ZNF549: variants seen among roughly 807,000 people sequenced by gnomAD.
The protein encoded by ZNF549 is zinc finger protein 549.
ZNF549 carries 11 observed loss-of-function variants against 11.1 expected under a neutral mutation model. The ratio of observed to expected loss-of-function variants is 0.99; its 90% CI spans 0.62 to 1.64. The LOEUF is 1.64. Ranked by LOEUF, ZNF549 falls within the 40% of genes most tolerant of loss-of-function variation. ZNF549 has a pLI of 0.00. For synonymous variants in ZNF549, 266 were observed against 269.1 expected (o/e 0.99, Z 0.11); for missense variants, 748 against 765.1 (o/e 0.98, Z 0.26).
chr19:57,532,264 C>T (rs756788078), intron 2 of ZNF549, among the ~76,000 whole-genome samples: 9 of 152,034 alleles, frequency 5.9e-5, no homozygotes, highest in African/African-American at 2.2e-4. Flanking sequence ...AAATGCCCTT[C>T]GTGGGGTCTC....
chr19:57,537,875 G>T lies in ZNF549; in HGVS notation c.871G>T (p.Val291Phe), dbSNP rs61735033. ...ATCATTCCTCCATAAACAAACACTC[G>T]TTGGGCACCAGCAGAGAATTCACAC... Reference protein sequence around the residue: ...GKSFLHKQTLVGHQQRIHTRE... With the variant: ...GKSFLHKQTLFGHQQRIHTRE... Residue 291 changes from valine (V) to phenylalanine (F), a missense_variant, in exon 4 of 4, where the codon GTT (valine) becomes TTT (phenylalanine). Transcript: ENST00000376233. 1 of 1,613,770 alleles carries T rather than the reference G, an allele frequency of 6.2e-7. No individual in the cohort carries two copies. Among genetic ancestry groups the T allele is most frequent in the Non-Finnish European group, 8.5e-7 (1 of 1,179,762 alleles).
rs866409045 is a variant in ZNF549 at position 57,537,140 on chromosome 19, G to T, written c.200-64G>T. On this transcript the variant is annotated intron_variant, in intron 3 of 3. Coordinates refer to ENST00000376233, the MANE Select transcript of ZNF549 (RefSeq NM_001199295.2). ...CCCTCCCTGTGTTCCACAGGTATTT[G>T]TAATGGAGCTGTTCCCTTCTACCAA... is the stretch of plus-strand genomic sequence containing the variant. The T allele has an allele frequency of 7.5e-5, 115 of 1,531,756 alleles. No homozygotes were observed. In the Middle Eastern group the frequency reaches 1.3e-3, roughly 17 times the overall value. 94.9% of individuals were successfully genotyped at this position (1,531,756 alleles called of 1,614,324 possible). A position where few individuals can be genotyped will look rare whatever the true frequency, so the allele number is the denominator to read the frequency against.
intron 1 of ZNF549, among the ~76,000 whole-genome samples, chr19:57,530,543 A>C (rs545543251): frequency 1.3e-5 from 2 of 152,320 alleles, no homozygotes; most frequent in Admixed American, 1.3e-4. Flanking sequence ...GGAGAAAATT[A>C]CAGTGGTCTG....
At chr19:57,529,078 C>T (rs1279334013) in intron 1 of ZNF549, among the ~76,000 whole-genome samples, 1 of 152,190 alleles carries the variant, frequency 6.6e-6, no homozygotes, top group Non-Finnish European at 1.5e-5. Context: ...AGGCAAACTG[C>T]ATTTTCTAAG....
rs1455342604 is a variant in ZNF549, at chr19:57,538,979, G to C, written c.*52G>C. Reference sequence around the variant, plus strand: ...ATTCACTGTAGGACACCAGAGAGCTGATTTTTCAAGGGATCCAACAGACAG... The same window carrying C: ...ATTCACTGTAGGACACCAGAGAGCTCATTTTTCAAGGGATCCAACAGACAG... On this transcript the variant is annotated 3_prime_UTR_variant, in exon 4 of 4. Coordinates refer to ENST00000376233, the MANE Select transcript of ZNF549 (RefSeq NM_001199295.2). 2 of 1,525,684 alleles carry C rather than the reference G, an allele frequency of 1.3e-6. No homozygotes were observed. The highest frequency in any genetic ancestry group is 8.7e-7 in the Non-Finnish European group (1 of 1,142,894). The allele number at this position is 1,525,684 out of a possible 1,614,324, so 94.5% of individuals were successfully genotyped here.
Position 57,527,497 on chromosome 19 carries a change from G to C in ZNF549, c.-77G>C. Reference sequence around the variant, plus strand: ...CTGGTCTCGGTCTGAGCGTCGCCCAGCGATTTGCCACCGCACGCACGCCGG... The same window carrying C: ...CTGGTCTCGGTCTGAGCGTCGCCCACCGATTTGCCACCGCACGCACGCCGG... On this transcript the variant is annotated 5_prime_UTR_variant, in exon 1 of 4. Coordinates refer to ENST00000376233, the MANE Select transcript of ZNF549 (RefSeq NM_001199295.2). The C allele has an allele frequency of 6.3e-7, 1 of 1,596,722 alleles. No individual in the cohort carries two copies. Among genetic ancestry groups the C allele is most frequent in the South Asian group, 1.1e-5 (1 of 89,654 alleles).
chr19:57,529,045 C>A (rs2089892057), intron 1 of ZNF549, among the ~76,000 whole-genome samples: 1 of 152,156 alleles, frequency 6.6e-6, no homozygotes, highest in African/African-American at 2.4e-5. Context: ...TGTACCTTTT[C>A]ATTTTCTTTC....
In ZNF549 at chr19:57,527,585, A is replaced by G. The variant is rs763028909; in HGVS notation, c.12A>G (p.Ala4=). The G allele has an allele frequency of 6.2e-7, 1 of 1,613,814 alleles. No individual in the cohort carries two copies. Among genetic ancestry groups the G allele is most frequent in the South Asian group, 1.1e-5 (1 of 91,082 alleles). ...CCGCCTAAAGTCCCATGGCCGAGGC[A>G]GCGCTAGTGATTACGCCGCAGGTGA... is the stretch of plus-strand genomic sequence containing the variant. MAE[A]ALVITPQIPM... Residue 4 remains alanine (A), a synonymous_variant, in exon 1 of 4, where the codon GCA becomes GCG. Coordinates refer to ENST00000376233, the MANE Select transcript of ZNF549 (RefSeq NM_001199295.2).
chr19:57,529,413 G>A (rs76623573), intron 1 of ZNF549, among the ~76,000 whole-genome samples: 4,241 of 152,176 alleles, frequency 0.028, 195 homozygotes, highest in African/African-American at 0.095. Context: ...ATATAGAACA[G>A]TTATACTTTA....
intron 1 of ZNF549, among the ~76,000 whole-genome samples, chr19:57,528,007 A>G (rs111827228): frequency 4.9e-4 from 75 of 152,260 alleles, no homozygotes; most frequent in African/African-American, 1.6e-3. Context: ...TTCAAAGGCA[A>G]TGAGTGGAGA....
In ZNF549 at chr19:57,538,761, A is replaced by G. The variant is rs1203696179; in HGVS notation, c.1757A>G (p.Asn586Ser). The G allele has an allele frequency of 6.2e-7, 1 of 1,614,184 alleles. No homozygotes were observed. Among genetic ancestry groups the G allele is most frequent in the Non-Finnish European group, 8.5e-7 (1 of 1,180,040 alleles). Residue 586 changes from asparagine to serine, a missense_variant, in exon 4 of 4, where the codon AAC becomes AGC. By Grantham distance (46) the Asn-to-Ser change is conservative. Transcript: ENST00000376233. ...QKVHSGERPY[N>S]CTACEKAFIY... The stretch of plus-strand genomic sequence containing the variant: ...GTTCACAGTGGAGAGAGGCCTTATA[A>G]CTGCACTGCATGTGAGAAGGCCTTT...
Position 57,537,764 on chromosome 19 carries a change from A to C in ZNF549, c.760A>C (p.Lys254Gln). The change falls in exon 4 of 4, where the codon AAA (lysine) becomes CAA (glutamine). Residue 254 changes from lysine (K) to glutamine (Q), a missense_variant. Transcript: ENST00000376233. ...EKAYKRREYGKSLNSKYLFVE... is the reference protein window; with the variant it reads ...EKAYKRREYGQSLNSKYLFVE... ...AGCTTATAAGCGTAGGGAATATGGGAAATCCTTGAACTCTAAATACTTATT... is the reference window on the plus strand; with the variant it reads ...AGCTTATAAGCGTAGGGAATATGGGCAATCCTTGAACTCTAAATACTTATT... The C allele has an allele frequency of 6.2e-7, 1 of 1,614,204 alleles. No individual in the cohort carries two copies. The highest frequency in any genetic ancestry group is 8.5e-7 in the Non-Finnish European group (1 of 1,180,024).
intron 1 of ZNF549, among the ~76,000 whole-genome samples, chr19:57,528,485 T>G (rs1308941476): frequency 6.6e-6 from 1 of 152,198 alleles, no homozygotes; most frequent in Non-Finnish European, 1.5e-5. Context: ...CGGGAAATCT[T>G]AAGGTTTTAC....
chr19:57,535,648 T>C (rs2123314670), intron 3 of ZNF549, among the ~76,000 whole-genome samples: 1 of 152,260 alleles, frequency 6.6e-6, no homozygotes, highest in African/African-American at 2.4e-5. Flanking sequence ...CTTACATGGT[T>C]GCTATTTGTA....
Position 57,539,143 on chromosome 19 carries a change from T to C in ZNF549, c.*216T>C. The C allele has an allele frequency of 1.9e-6, 1 of 532,976 alleles. No homozygotes were observed. Among genetic ancestry groups the C allele is most frequent in the Non-Finnish European group, 3.3e-6 (1 of 302,412 alleles). 33.0% of individuals were successfully genotyped at this position (532,976 alleles called of 1,614,324 possible). A position where few individuals can be genotyped will look rare whatever the true frequency, so the allele number is the denominator to read the frequency against. The stretch of plus-strand genomic sequence containing the variant: ...ACAGACACTACCATGTGGCATATCC[T>C]CACCGTTTTCATCAGTCACTCACAT... On this transcript the variant is annotated 3_prime_UTR_variant, in exon 4 of 4. Coordinates refer to ENST00000376233, the MANE Select transcript of ZNF549 (RefSeq NM_001199295.2).
At chr19:57,535,692 C>G (rs1449842759) in intron 3 of ZNF549, among the ~76,000 whole-genome samples, 1 of 152,122 alleles carries the variant, frequency 6.6e-6, no homozygotes, top group Admixed American at 6.5e-5. Flanking sequence ...AGACCCCCTC[C>G]CAAGGGTTTT....
intron 3 of ZNF549, among the ~76,000 whole-genome samples, chr19:57,535,818 T>C (rs1329740804): frequency 2.0e-5 from 3 of 152,114 alleles, no homozygotes; most frequent in Non-Finnish European, 2.9e-5. Context: ...AGGACCCAGA[T>C]AGTCTCCTGA....
intron 3 of ZNF549, 129 bp from the exon 4 acceptor site, chr19:57,537,075 C>A: frequency 9.2e-7 from 1 of 1,087,548 alleles, no homozygotes; most frequent in Non-Finnish European, 1.3e-6. Context: ...ATCTGGGTGA[C>A]AGAGCAAGAC....
At chr19:57,532,659 G>A (rs576482022) in intron 2 of ZNF549, among the ~76,000 whole-genome samples, 1 of 152,318 alleles carries the variant, frequency 6.6e-6, no homozygotes, top group Non-Finnish European at 1.5e-5. Flanking sequence ...AATGTGGTCT[G>A]TCTTGTTGAA....
Sources: allele counts gnomAD v4.1 joint callset (sites outside exome capture counted in the v4.1 genomes callset), GRCh38; gene constraint gnomAD v4.1.1; transcripts MANE v1.5; gene names NCBI Gene and HGNC (gene_info 2026-07-23, HGNC 2026-07-21).